Variants in OTUD5 observed in about 807,000 individuals in gnomAD.
The protein encoded by OTUD5 is OTU deubiquitinase 5.
Under a neutral mutation model 36.3 loss-of-function variants are expected in OTUD5, and 2 were observed. The observed-to-expected ratio is 0.06, with a 90% confidence interval of 0.02 to 0.17. The LOEUF (loss-of-function observed/expected upper bound fraction) is 0.17, where lower values mean the gene tolerates loss of function less well. OTUD5 is among the 10% of genes least tolerant of loss of function. The pLI is 1.00. For synonymous variants in OTUD5, 234 were observed against 214.9 expected (o/e 1.09, Z -0.78); for missense variants, 233 against 512.3 (o/e 0.45, Z 5.26).
At chrX:48,943,309 C>G (rs1054591588) in intron 2 of OTUD5, among the ~76,000 whole-genome samples, 1 of 111,924 alleles carries the variant, frequency 8.9e-6, no homozygotes, top group Non-Finnish European at 1.9e-5. Context: ...CTAACTCAGA[C>G]TGGATAACAG....
At chrX:48,947,970 C>T (rs908131896) in intron 1 of OTUD5, among the ~76,000 whole-genome samples, 3 of 112,275 alleles carry the variant, frequency 2.7e-5, no homozygotes, top group African/African-American at 9.7e-5. Flanking sequence ...TGAATACCTG[C>T]CCCATGCCAG....
In OTUD5 at chrX:48,922,628, A is replaced by G; in HGVS notation, c.*546T>C. 1.3e-6 allele frequency: 1 copy of G among 751,612 alleles called. No individual in the cohort carries two copies. Among genetic ancestry groups the G allele is most frequent in the Non-Finnish European group, 1.6e-6 (1 of 636,248 alleles). The allele number at this position is 751,612 out of a possible 1,213,427, so 61.9% of individuals were successfully genotyped here. ...GCTGTCGTCTATATCATTTTTGATTAGTTGATTTTATAAGATAAAAGTAAT... is the reference window on the plus strand; with the variant it reads ...GCTGTCGTCTATATCATTTTTGATTGGTTGATTTTATAAGATAAAAGTAAT... On this transcript the variant is annotated 3_prime_UTR_variant, in exon 9 of 9. Transcript: ENST00000376488.
At chrX:48,941,711 C>T (rs1557051089) in intron 2 of OTUD5, among the ~76,000 whole-genome samples, 1 of 111,300 alleles carries the variant, frequency 9.0e-6, no homozygotes, top group Admixed American at 9.6e-5. Context: ...ACGTTCCTTC[C>T]ACTATTCAAC....
intron 1 of OTUD5, among the ~76,000 whole-genome samples, chrX:48,954,993 C>T (rs1169446283): frequency 8.9e-6 from 1 of 111,881 alleles, no homozygotes; most frequent in Non-Finnish European, 1.9e-5. Context: ...GATGACCTCA[C>T]GTTCCTCTCC....
intron 2 of OTUD5, among the ~76,000 whole-genome samples, chrX:48,941,160 C>T (rs1211643540): frequency 1.8e-5 from 2 of 111,039 alleles, no homozygotes; most frequent in African/African-American, 6.6e-5. Context: ...TGGCCGGATG[C>T]GGTGGCTCAT....
At chrX:48,928,744 G>A (rs898962954) in intron 5 of OTUD5, among the ~76,000 whole-genome samples, 1 of 106,475 alleles carries the variant, frequency 9.4e-6, no homozygotes, top group Non-Finnish European at 1.9e-5. Flanking sequence ...TGAGGTGGGA[G>A]GATTGCTTAA....
chrX:48,939,700 C>T (rs1182793854), intron 2 of OTUD5, among the ~76,000 whole-genome samples: 1 of 112,298 alleles, frequency 8.9e-6, no homozygotes, highest in African/African-American at 3.2e-5. Context: ...ACCAAGAGCT[C>T]TAACAGACTA....
upstream of OTUD5, chrX:48,958,321 C>T (rs1459176520): frequency 5.3e-5 from 6 of 113,024 alleles, no homozygotes; most frequent in Non-Finnish European, 7.5e-5. Context: ...AACTTGAACG[C>T]TGTCAGCCGG....
chrX:48,925,114 T>C (rs2063644010), intron 6 of OTUD5, among the ~76,000 whole-genome samples: 1 of 109,467 alleles, frequency 9.1e-6, no homozygotes, highest in Admixed American at 9.7e-5. Flanking sequence ...CCGTCTCTAC[T>C]AAAAATACAA....
At chrX:48,937,686 A>G (rs782158446) in intron 2 of OTUD5, among the ~76,000 whole-genome samples, 63 of 112,712 alleles carry the variant, frequency 5.6e-4, no homozygotes, top group African/African-American at 1.9e-3. Flanking sequence ...GTCCTCATGC[A>G]TAAGGTGGAG....
chrX:48,938,601 G>A (rs1247435509), intron 2 of OTUD5, among the ~76,000 whole-genome samples: 1 of 109,502 alleles, frequency 9.1e-6, no homozygotes, highest in Non-Finnish European at 1.9e-5. Flanking sequence ...GGCTGAGGCA[G>A]AAAAATCGCT....
chrX:48,932,372 T>A (rs1368432576), intron 5 of OTUD5, among the ~76,000 whole-genome samples: 1 of 110,304 alleles, frequency 9.1e-6, no homozygotes, highest in East Asian at 2.9e-4. Flanking sequence ...TCACCCAGGC[T>A]GCAGTGCAGG....
intron 5 of OTUD5, among the ~76,000 whole-genome samples, chrX:48,926,351 ATTTTT>A (rs1318338115): frequency 1.1e-5 from 1 of 94,832 alleles, no homozygotes; most frequent in African/African-American, 3.9e-5. Flanking sequence ...CCTGGGACTT[ATTTTT>A]TTTTTTTTTT....
intron 1 of OTUD5, among the ~76,000 whole-genome samples, chrX:48,949,419 T>A (rs186871957): frequency 8.9e-6 from 1 of 111,746 alleles, no homozygotes; most frequent in Non-Finnish European, 1.9e-5. Flanking sequence ...GATTCACGCC[T>A]GTAATCGCGG....
At chrX:48,932,764 T>A (rs782055015) in intron 5 of OTUD5, among the ~76,000 whole-genome samples, 9 of 111,080 alleles carry the variant, frequency 8.1e-5, no homozygotes, top group African/African-American at 2.9e-4. Context: ...GGCAATATAG[T>A]GAGACCTTGT....
chrX:48,950,636 T>C (rs2064123189), intron 1 of OTUD5, among the ~76,000 whole-genome samples: 1 of 101,437 alleles, frequency 9.9e-6, no homozygotes, highest in Admixed American at 1.1e-4. Flanking sequence ...CCCACCTCAC[T>C]GCAACCTCCA....
At chrX:48,942,232 TACACACACACATACAC>T (rs2063937894) in intron 2 of OTUD5, among the ~76,000 whole-genome samples, 1 of 19,864 alleles carries the variant, frequency 5.0e-5, no homozygotes, top group Non-Finnish European at 1.2e-4. Context: ...GCTAGCTAGA[TACACACACACATACAC>T]ACACACACAC....
intron 6 of OTUD5, among the ~76,000 whole-genome samples, chrX:48,924,959 T>C (rs1045567954): frequency 1.5e-4 from 17 of 111,558 alleles, no homozygotes; most frequent in Non-Finnish European, 3.2e-4. Context: ...TGCCACAGAC[T>C]GGTAGTAGGT....
chrX:48,932,212 GTGTT>G (rs1251889163), intron 5 of OTUD5, among the ~76,000 whole-genome samples: 1 of 108,316 alleles, frequency 9.2e-6, no homozygotes, highest in African/African-American at 3.4e-5. Context: ...TAGCAGAACT[GTGTT>G]TGGGAAGAGA....
Sources: allele counts gnomAD v4.1 joint callset (sites outside exome capture counted in the v4.1 genomes callset), GRCh38; gene constraint gnomAD v4.1.1; transcripts MANE v1.5; gene names NCBI Gene and HGNC (gene_info 2026-07-23, HGNC 2026-07-21).